GPBP1: variants seen among roughly 807,000 people sequenced by gnomAD.
GPBP1 encodes the protein vasculin.
Under a neutral mutation model 56.5 loss-of-function variants are expected in GPBP1, and 13 were observed. The ratio of observed to expected loss-of-function variants is 0.23; its 90% CI spans 0.15 to 0.37. The LOEUF is 0.37. Ranked by LOEUF, GPBP1 falls within the 10% of genes least tolerant of loss-of-function variation. GPBP1 has a pLI of 1.00. For missense variants in GPBP1, 477 were observed against 572.3 expected, an observed-to-expected ratio of 0.83 and a Z score of 1.70; for synonymous variants, 204 against 188.9, an observed-to-expected ratio of 1.08 and a Z score of -0.66.
intron 2 of GPBP1, among the ~76,000 whole-genome samples, chr5:57,199,047 A>G (rs1197793523): frequency 2.0e-5 from 3 of 152,214 alleles, no homozygotes; most frequent in Non-Finnish European, 4.4e-5. Flanking sequence ...TTGGACTCCA[A>G]TAAATATTTC....
chr5:57,225,256 T>A (rs1184221125), intron 3 of GPBP1, among the ~76,000 whole-genome samples: 2 of 151,848 alleles, frequency 1.3e-5, no homozygotes, highest in African/African-American at 2.4e-5. Flanking sequence ...CAGGAGATCT[T>A]GACCATCCTG....
chr5:57,176,256 G>A lies in GPBP1; in HGVS notation c.-202G>A, dbSNP rs1561314864. 2.7e-6 allele frequency: 1 copy of A among 368,670 alleles called. No homozygotes were observed. The highest frequency in any genetic ancestry group is 4.8e-6 in the Non-Finnish European group (1 of 208,320). The allele number at this position is 368,670 out of a possible 1,614,324, so 22.8% of individuals were successfully genotyped here. ...CAGAAGTATGGGTAGCTGACTTGAA[G>A]TAACTCTATGTCAAATAGTCGTAGG... On this transcript the variant is annotated 5_prime_UTR_variant, in exon 2 of 12. Transcript: ENST00000506184.
At chr5:57,258,882 A>G (rs888925055) in intron 10 of GPBP1, among the ~76,000 whole-genome samples, 4 of 152,232 alleles carry the variant, frequency 2.6e-5, no homozygotes, top group Non-Finnish European at 5.9e-5. Flanking sequence ...ATAATAGTTG[A>G]TAATTTTTTC....
chr5:57,177,795 C>CCGG (rs1753857131), intron 2 of GPBP1, among the ~76,000 whole-genome samples: 2 of 151,730 alleles, frequency 1.3e-5, no homozygotes, highest in Admixed American at 1.3e-4. Context: ...GCCCACGCGC[C>CCGG]CGGCTGAGAT....
intron 6 of GPBP1, among the ~76,000 whole-genome samples, chr5:57,240,258 A>G (rs1238168118): frequency 6.6e-6 from 1 of 152,170 alleles, no homozygotes; most frequent in Non-Finnish European, 1.5e-5. Flanking sequence ...CTCCAAAGAA[A>G]GAAATGAAAA....
At position 57,176,104 on chromosome 5, in the gene GPBP1, A is replaced by C; in HGVS notation, c.-354A>C. ...TTTTGTTTTTGCTTTTTGGCTCGTA[A>C]ATTGGATATTTCATCTGGAGTGGAC... On this transcript the variant is annotated 5_prime_UTR_variant, in exon 2 of 12. The change abolishes the stop of an existing upstream ORF in the 5' untranslated region. Transcript: ENST00000506184. 1 of 398,106 alleles carries C rather than the reference A, an allele frequency of 2.5e-6. No homozygotes were observed. The highest frequency in any genetic ancestry group is 4.4e-6 in the Non-Finnish European group (1 of 225,828). 24.7% of individuals were successfully genotyped at this position (398,106 alleles called of 1,614,324 possible). A position where few individuals can be genotyped will look rare whatever the true frequency, so the allele number is the denominator to read the frequency against.
intron 2 of GPBP1, among the ~76,000 whole-genome samples, chr5:57,210,675 A>G (rs533959781): frequency 3.9e-5 from 6 of 152,310 alleles, no homozygotes; most frequent in Non-Finnish European, 7.3e-5. Flanking sequence ...CCATAACCAA[A>G]TACCACAGAC....
intron 2 of GPBP1, among the ~76,000 whole-genome samples, chr5:57,207,931 T>A (rs1274923674): frequency 6.6e-6 from 1 of 152,084 alleles, no homozygotes; most frequent in Non-Finnish European, 1.5e-5. Context: ...CGCCGATATG[T>A]CCCTCTCGAT....
chr5:57,240,870 A>G (rs1388133192), intron 6 of GPBP1, among the ~76,000 whole-genome samples: 1 of 151,706 alleles, frequency 6.6e-6, no homozygotes, highest in South Asian at 2.1e-4. Flanking sequence ...GCTACTCGGG[A>G]GGCTGAGGCA....
intron 3 of GPBP1, chr5:57,230,588 G>A (rs1756407867): frequency 2.4e-6 from 1 of 423,150 alleles, no homozygotes; most frequent in African/African-American, 2.0e-5. Flanking sequence ...TCCATACAGT[G>A]GCATTTTACC....
chr5:57,231,058 C>G (rs1178753897), intron 4 of GPBP1, 40 bp from the exon 5 acceptor site: 1 of 1,587,542 alleles, frequency 6.3e-7, no homozygotes, highest in South Asian at 1.2e-5. Flanking sequence ...TTAAGCTTCT[C>G]TTCTTTGAAT....
chr5:57,200,360 ATTTT>A (rs70999063), intron 2 of GPBP1, among the ~76,000 whole-genome samples: 3 of 69,824 alleles, frequency 4.3e-5, no homozygotes, highest in African/African-American at 6.0e-5. Context: ...ATAAGTTTGA[ATTTT>A]TTTTTTTTTT....
chr5:57,211,390 T>C (rs1755469856), intron 2 of GPBP1, among the ~76,000 whole-genome samples: 1 of 152,086 alleles, frequency 6.6e-6, no homozygotes, highest in Admixed American at 6.6e-5. Flanking sequence ...AGTCTTACCA[T>C]GTTGCCAAGG....
intron 5 of GPBP1, among the ~76,000 whole-genome samples, chr5:57,232,877 A>T (rs1756518994): frequency 6.6e-6 from 1 of 152,232 alleles, no homozygotes; most frequent in Non-Finnish European, 1.5e-5. Context: ...CATAGGCATG[A>T]GTCATCATAC....
intron 2 of GPBP1, among the ~76,000 whole-genome samples, chr5:57,200,625 C>T (rs1203535486): frequency 1.3e-5 from 2 of 151,680 alleles, no homozygotes; most frequent in Admixed American, 6.6e-5. Flanking sequence ...CCTCGGCCTC[C>T]CAAAATGCTG....
intron 6 of GPBP1, 128 bp downstream of exon 6, chr5:57,236,160 G>A (rs1303835220): frequency 8.0e-6 from 5 of 627,480 alleles, no homozygotes; most frequent in Non-Finnish European, 1.1e-5. Context: ...TGTATTTGAT[G>A]TGCTTAGCTA....
At chr5:57,224,633 C>G (rs1000765333) in intron 3 of GPBP1, among the ~76,000 whole-genome samples, 15 of 151,966 alleles carry the variant, frequency 9.9e-5, no homozygotes, top group African/African-American at 3.6e-4. Flanking sequence ...GAGATGGGGT[C>G]TTGCTATGTT....
chr5:57,186,694 A>G (rs1287629588), intron 2 of GPBP1, among the ~76,000 whole-genome samples: 1 of 152,070 alleles, frequency 6.6e-6, no homozygotes, highest in Non-Finnish European at 1.5e-5. Context: ...AATCCTTTTG[A>G]GTAGTTGAGA....
chr5:57,250,419 TCATGCTTTTAATTTTGCATTTG>T (rs1019719861), intron 9 of GPBP1, among the ~76,000 whole-genome samples: 1 of 152,204 alleles, frequency 6.6e-6, no homozygotes, highest in African/African-American at 2.4e-5. Context: ...TTGCCTGCCT[TCATGCTTTTAATTTTGCATTTG>T]TTGTATAGAT....
Sources: gnomAD v4.1 joint callset for allele counts (sites outside exome capture counted in the v4.1 genomes callset) on GRCh38, gnomAD v4.1.1 for gene constraint, MANE v1.5 for transcripts, NCBI Gene and HGNC (gene_info 2026-07-23, HGNC 2026-07-21) for gene names.